The following CAP2 variants were observed in gnomAD, a reference collection of about 807,000 sequenced individuals.
CAP2 encodes cyclase associated actin cytoskeleton regulatory protein 2, also known as adenylyl cyclase-associated protein 2.
CAP2 carries 24 observed loss-of-function variants against 57.7 expected under a neutral mutation model. The ratio of observed to expected loss-of-function variants is 0.42; its 90% CI spans 0.30 to 0.58. The LOEUF is 0.58. Among genes scored for constraint, CAP2 ranks in the 20% least tolerant of loss-of-function variants. The pLI, the probability that CAP2 is intolerant of heterozygous loss-of-function variation, is 0.22. For missense variants in CAP2, 501 were observed against 590.3 expected, an observed-to-expected ratio of 0.85 and a Z score of 1.57; for synonymous variants, 194 against 207.2, an observed-to-expected ratio of 0.94 and a Z score of 0.55.
At chr6:17,479,267 C>T (rs1482043927) in intron 4 of CAP2, among the ~76,000 whole-genome samples, 1 of 152,172 alleles carries the variant, frequency 6.6e-6, no homozygotes, top group Admixed American at 6.5e-5. Flanking sequence ...GCTGGGCTCC[C>T]TCATTCTTTC....
intron 3 of CAP2, among the ~76,000 whole-genome samples, chr6:17,441,748 G>T (rs1231616378): frequency 6.6e-6 from 1 of 152,192 alleles, no homozygotes; most frequent in South Asian, 2.1e-4. Flanking sequence ...GCCTCCCAAA[G>T]TGTTGGGATT....
chr6:17,521,009 C>T (rs898684877), intron 7 of CAP2, among the ~76,000 whole-genome samples: 1 of 152,214 alleles, frequency 6.6e-6, no homozygotes, highest in Admixed American at 6.5e-5. Context: ...ACCACAGCTG[C>T]GTCGTTCTAC....
At chr6:17,464,348 G>T (rs1377192167) in intron 4 of CAP2, among the ~76,000 whole-genome samples, 1 of 152,142 alleles carries the variant, frequency 6.6e-6, no homozygotes, top group Non-Finnish European at 1.5e-5. Flanking sequence ...AACTCACTTT[G>T]AATTATGAAA....
chr6:17,523,158 G>C (rs922460602), intron 7 of CAP2, among the ~76,000 whole-genome samples: 7 of 152,208 alleles, frequency 4.6e-5, no homozygotes, highest in Admixed American at 4.6e-4. Flanking sequence ...TGGATGGCTA[G>C]AGGGTGAGGT....
Position 17,556,460 on chromosome 6 carries a change from C to G in CAP2, c.*18C>G, listed in dbSNP as rs575654265. On this transcript the variant is annotated 3_prime_UTR_variant, in exon 13 of 13. Coordinates refer to ENST00000229922, the MANE Select transcript of CAP2 (RefSeq NM_006366.3). Reference sequence around the variant, plus strand: ...TGGCCTAACTTCCTGAGAGACCGAACCCCCTCACCTGAATCCCCCTCTATC... The same window carrying G: ...TGGCCTAACTTCCTGAGAGACCGAAGCCCCTCACCTGAATCCCCCTCTATC... 1.3e-6 allele frequency: 2 copies of G among 1,546,230 alleles called. No individual in the cohort carries two copies. The highest frequency in any genetic ancestry group is 4.5e-5 in the East Asian group (2 of 44,540).
At chr6:17,540,581 A>G (rs1581607721) in intron 8 of CAP2, among the ~76,000 whole-genome samples, 1 of 152,124 alleles carries the variant, frequency 6.6e-6, no homozygotes, top group South Asian at 2.1e-4. Context: ...GTGAAACCCC[A>G]TCTCTACTAA....
chr6:17,514,361 C>T (rs2113668060), intron 7 of CAP2, among the ~76,000 whole-genome samples: 1 of 149,734 alleles, frequency 6.7e-6, no homozygotes, highest in East Asian at 2.0e-4. Flanking sequence ...AAACTCTGTC[C>T]AAAAAAAGCC....
At chr6:17,448,033 C>T (rs975289457) in intron 3 of CAP2, among the ~76,000 whole-genome samples, 17 of 152,328 alleles carry the variant, frequency 1.1e-4, no homozygotes, top group African/African-American at 3.6e-4. Flanking sequence ...TATATAGGCA[C>T]CTACTGGCTT....
At position 17,513,962 on chromosome 6, in the gene CAP2, C is replaced by T. The variant is rs374221981; in HGVS notation, c.636+8C>T. 31 of 1,530,088 alleles carry T rather than the reference C, an allele frequency of 2.0e-5. No homozygotes were observed. The highest frequency in any genetic ancestry group is 2.6e-5 in the Non-Finnish European group (29 of 1,103,528). The allele number at this position is 1,530,088 out of a possible 1,614,324, so 94.8% of individuals were successfully genotyped here. ...CTCACATGGAGCAAAACAGTGAGTA[C>T]GAGGCCTTCCTCCACGTGTGTAAAA... On this transcript the variant is annotated splice_region_variant and intron_variant, in intron 7 of 12. Coordinates refer to ENST00000229922, the MANE Select transcript of CAP2 (RefSeq NM_006366.3). The surrounding 1 kb of genome is among the most constrained non-coding windows in gnomAD (Gnocchi z 4.3).
chr6:17,526,655 C>T (rs1762518064), intron 7 of CAP2, among the ~76,000 whole-genome samples: 1 of 151,984 alleles, frequency 6.6e-6, no homozygotes, highest in Non-Finnish European at 1.5e-5. Flanking sequence ...AAAACAAACC[C>T]TTCATAAAAC....
At chr6:17,395,361 G>A (rs1758640170) in intron 1 of CAP2, among the ~76,000 whole-genome samples, 1 of 152,178 alleles carries the variant, frequency 6.6e-6, no homozygotes, top group Non-Finnish European at 1.5e-5. Flanking sequence ...TTTATTTACA[G>A]ACATTGAACC....
rs568542628 is a variant in CAP2, at chr6:17,430,498, G to T, written c.222+3808G>T. Among the ~76,000 whole-genome samples the T allele has an allele frequency of 7.9e-5, 12 of 151,618 alleles. No individual in the cohort carries two copies. The East Asian group carries it at 2.1e-3, about 27-fold the overall frequency. On this transcript the variant is annotated intron_variant, in intron 3 of 12. Coordinates refer to ENST00000229922, the MANE Select transcript of CAP2 (RefSeq NM_006366.3). ...GGGCCTATATAATACCTAGCCCTTG[G>T]TTGGACATCATTTATCCATAAATAG...
At chr6:17,473,738 T>A (rs570916279) in intron 4 of CAP2, among the ~76,000 whole-genome samples, 1 of 152,336 alleles carries the variant, frequency 6.6e-6, no homozygotes, top group South Asian at 2.1e-4. Context: ...GCATGGTTCG[T>A]TACTTTTTAT....
intron 3 of CAP2, among the ~76,000 whole-genome samples, chr6:17,435,109 G>A (rs1415949421): frequency 2.6e-5 from 3 of 114,836 alleles, no homozygotes; most frequent in Non-Finnish European, 5.4e-5. Context: ...CAACCATTGT[G>A]GAAGTCAGTG....
intron 4 of CAP2, among the ~76,000 whole-genome samples, chr6:17,492,499 T>C (rs1353956217): frequency 6.6e-6 from 1 of 152,174 alleles, no homozygotes; most frequent in Non-Finnish European, 1.5e-5. Flanking sequence ...GCGTCCAAAG[T>C]GGCTGGAATT....
At chr6:17,480,395 A>G (rs575244303) in intron 4 of CAP2, among the ~76,000 whole-genome samples, 2 of 152,332 alleles carry the variant, frequency 1.3e-5, no homozygotes, top group East Asian at 3.9e-4. Flanking sequence ...AGTGTATTCC[A>G]TAATTTGATT....
intron 3 of CAP2, among the ~76,000 whole-genome samples, chr6:17,451,592 TTCCGCCTCCCGGGTTCAAGCGATTC>T: frequency 6.6e-6 from 1 of 152,014 alleles, no homozygotes; most frequent in South Asian, 2.1e-4. Context: ...TCACTGCAAC[TTCCGCCTCCCGGGTTCAAGCGATTC>T]TCCTGCCTCA....
intron 11 of CAP2, 81 bp downstream of exon 11, chr6:17,543,224 C>T (rs990635971): frequency 8.0e-5 from 94 of 1,168,076 alleles, no homozygotes; most frequent in Non-Finnish European, 5.2e-5. Flanking sequence ...TTTCCAACCA[C>T]GCTGTAGTAA....
rs1281891341 is a variant in CAP2, at chr6:17,448,084, T to A, written c.223-14912T>A. Among the ~76,000 whole-genome samples the A allele has an allele frequency of 2.0e-5, 3 of 152,258 alleles. No homozygotes were observed. The East Asian group carries it at 5.8e-4, about 29-fold the overall frequency. On this transcript the variant is annotated intron_variant, in intron 3 of 12. Transcript: ENST00000229922. The stretch of plus-strand genomic sequence containing the variant: ...ATCTTCTATGTGGCGCCACAAGGCA[T>A]GTATACATGCATGAAAGCTTGGATA...
Sources: gnomAD v4.1 joint callset for allele counts (sites outside exome capture counted in the v4.1 genomes callset) on GRCh38, gnomAD v4.1.1 for gene constraint, Gnocchi (gnomAD v3.1) non-coding constraint, MANE v1.5 for transcripts, NCBI Gene and HGNC (gene_info 2026-07-23, HGNC 2026-07-21) for gene names.